DIAPH3: variants seen among roughly 807,000 people sequenced by gnomAD.
DIAPH3 encodes diaphanous related formin 3, also known as protein diaphanous homolog 3.
A neutral mutation model predicts 144.3 loss-of-function variants in DIAPH3; 117 were observed. The observed-to-expected ratio is 0.81, with a 90% CI of 0.70 to 0.95. The LOEUF (loss-of-function observed/expected upper bound fraction) is 0.95. DIAPH3 is among the 40% of genes least tolerant of loss of function. DIAPH3 has a pLI of 0.00. For synonymous variants in DIAPH3, 519 were observed against 488.9 expected, an observed-to-expected ratio of 1.06 and a Z score of -0.81; for missense variants, 1,421 against 1,412.7, an observed-to-expected ratio of 1.01 and a Z score of -0.09.
intron 18 of DIAPH3, 59 bp downstream of exon 18, chr13:59,924,716 G>T (rs1396580491): frequency 6.4e-7 from 1 of 1,563,062 alleles, no homozygotes; most frequent in East Asian, 2.3e-5. Flanking sequence ...TAAAGAAAAT[G>T]AAATCATTTA....
rs900305288 is a variant in DIAPH3 at position 59,666,116 on chromosome 13, A to G, written c.*468T>C. 2 of 157,516 alleles carry G rather than the reference A, an allele frequency of 1.3e-5. No individual in the cohort carries two copies. Among genetic ancestry groups the G allele is most frequent in the African/African-American group, 4.8e-5 (2 of 41,474 alleles). 9.8% of individuals were successfully genotyped at this position (157,516 alleles called of 1,614,324 possible). On this transcript the variant is annotated 3_prime_UTR_variant, in exon 28 of 28. Transcript: ENST00000400324. ...GTTGTGCTGGTAGTATATAGATCCC[A>G]ATTAAGGAGAAACTTGGGCCTATAT...
chr13:59,826,040 AAG>A (rs1267001383), intron 24 of DIAPH3, among the ~76,000 whole-genome samples: 1 of 152,150 alleles, frequency 6.6e-6, no homozygotes, highest in Admixed American at 6.6e-5. Context: ...TCAAAATAAT[AAG>A]AGTTATCTAG....
At chr13:60,027,742 T>G (rs2054480562) in intron 5 of DIAPH3, among the ~76,000 whole-genome samples, 1 of 152,206 alleles carries the variant, frequency 6.6e-6, no homozygotes, top group Non-Finnish European at 1.5e-5. Context: ...ATTAGTACAC[T>G]AATATTTAAC....
At chr13:59,830,014 A>G (rs1254828260) in intron 24 of DIAPH3, among the ~76,000 whole-genome samples, 1 of 151,988 alleles carries the variant, frequency 6.6e-6, no homozygotes, top group African/African-American at 2.4e-5. Flanking sequence ...CTTTTTAAGA[A>G]GAAAATTTTT....
chr13:59,873,416 T>C (rs905664407), intron 21 of DIAPH3, among the ~76,000 whole-genome samples: 3 of 152,174 alleles, frequency 2.0e-5, no homozygotes, highest in African/African-American at 7.2e-5. Context: ...TGTTAACTTG[T>C]GTGAGTGTGA....
intron 4 of DIAPH3, among the ~76,000 whole-genome samples, chr13:60,080,674 C>T (rs963643378): frequency 2.6e-5 from 4 of 151,766 alleles, no homozygotes; most frequent in African/African-American, 4.8e-5. Flanking sequence ...AATAACATTA[C>T]ATTTTCTGTC....
chr13:59,888,644 A>G (rs913558371), intron 20 of DIAPH3, among the ~76,000 whole-genome samples: 2 of 152,150 alleles, frequency 1.3e-5, no homozygotes, highest in Non-Finnish European at 2.9e-5. Flanking sequence ...TCAAAAAATC[A>G]TAAGAAAAAA....
chr13:59,993,063 G>C (rs2051943353), intron 9 of DIAPH3, among the ~76,000 whole-genome samples: 1 of 151,756 alleles, frequency 6.6e-6, no homozygotes, highest in South Asian at 2.1e-4. Flanking sequence ...TAGTTAACAA[G>C]GTTATAAATA....
chr13:59,812,524 C>T (rs1252975219), intron 24 of DIAPH3, among the ~76,000 whole-genome samples: 1 of 152,006 alleles, frequency 6.6e-6, no homozygotes, highest in African/African-American at 2.4e-5. Context: ...ATAACAACAA[C>T]AAAATAAGAG....
intron 27 of DIAPH3, among the ~76,000 whole-genome samples, chr13:59,746,418 T>G (rs1429403282): frequency 6.6e-6 from 1 of 151,924 alleles, no homozygotes; most frequent in Non-Finnish European, 1.5e-5. Context: ...AGATTGGGTT[T>G]CACCATGTTG....
chr13:59,825,144 G>A (rs984613227), intron 24 of DIAPH3, among the ~76,000 whole-genome samples: 10 of 151,930 alleles, frequency 6.6e-5, no homozygotes, highest in East Asian at 3.9e-4. Context: ...CCATTAACTC[G>A]TCATTTAGCA....
chr13:59,670,940 C>T (rs917278752), intron 27 of DIAPH3, among the ~76,000 whole-genome samples: 36 of 152,274 alleles, frequency 2.4e-4, no homozygotes, highest in African/African-American at 8.4e-4. Context: ...AAGCTATCTA[C>T]CCGCCTCAGC....
At chr13:59,923,768 C>T (rs889775399) in intron 18 of DIAPH3, among the ~76,000 whole-genome samples, 6 of 152,134 alleles carry the variant, frequency 3.9e-5, no homozygotes, top group African/African-American at 4.8e-5. Flanking sequence ...ACACCAATGC[C>T]GCCATACTAT....
At chr13:60,034,233 T>C (rs1310714420) in intron 5 of DIAPH3, among the ~76,000 whole-genome samples, 8 of 152,228 alleles carry the variant, frequency 5.3e-5, no homozygotes, top group Admixed American at 2.0e-4. Flanking sequence ...CTGATAGCTG[T>C]AAAGCCATAA....
chr13:59,914,019 T>C (rs1331251615), intron 19 of DIAPH3, among the ~76,000 whole-genome samples: 1 of 150,984 alleles, frequency 6.6e-6, no homozygotes, highest in Non-Finnish European at 1.5e-5. Flanking sequence ...CCTGGACATG[T>C]TGCATAAAAT....
intron 2 of DIAPH3, among the ~76,000 whole-genome samples, chr13:60,116,500 C>G (rs979413313): frequency 1.3e-5 from 2 of 151,900 alleles, no homozygotes; most frequent in African/African-American, 4.8e-5. Context: ...ACCTATCTCC[C>G]AAGTCACTAC....
In DIAPH3 at chr13:59,962,512, A is replaced by G. The variant is rs556095603; in HGVS notation, c.2074+7432T>C. Among the ~76,000 whole-genome samples, 4 of 152,252 alleles carry G rather than the reference A, an allele frequency of 2.6e-5. No homozygotes were observed. The South Asian group carries it at 6.2e-4, about 24-fold the overall frequency. On this transcript the variant is annotated intron_variant, in intron 17 of 27. Transcript: ENST00000400324. The stretch of plus-strand genomic sequence containing the variant: ...AGAATCCTCCTTAGCTTTTGAGTCC[A>G]GGCCACACTCCTCCTGGGCAGCCCC...
In DIAPH3 at chr13:60,083,575, G is replaced by A. The variant is rs115055749; in HGVS notation, c.495+10053C>T. 4.8e-3 allele frequency among the ~76,000 whole-genome samples: 735 copies of A among 151,988 alleles called. 7 individuals are homozygous for A. Among genetic ancestry groups the A allele is most frequent in the African/African-American group, 0.017 (690 of 41,480 alleles). On this transcript the variant is annotated intron_variant, in intron 4 of 27. Coordinates refer to ENST00000400324, the MANE Select transcript of DIAPH3 (RefSeq NM_001042517.2). ...AACTTTACCACAAATACACACATCA[G>A]CAAAATTCAGAATGTCCTGGATAAA...
rs185514769 is a variant in DIAPH3 at position 60,082,056 on chromosome 13, A to G, written c.495+11572T>C. 1.4e-3 allele frequency among the ~76,000 whole-genome samples: 208 copies of G among 152,146 alleles called. 1 individual carries two copies. The highest frequency in any genetic ancestry group is 3.3e-3 in the Admixed American group (50 of 15,254). The stretch of plus-strand genomic sequence containing the variant: ...AATTGTAACTTACAATTTCAAAGTG[A>G]GCTAACAGACATTAAGAGAATATAT... On this transcript the variant is annotated intron_variant, in intron 4 of 27. Coordinates refer to ENST00000400324, the MANE Select transcript of DIAPH3 (RefSeq NM_001042517.2).
Sources: allele counts gnomAD v4.1 joint callset (sites outside exome capture counted in the v4.1 genomes callset), GRCh38; gene constraint gnomAD v4.1.1; transcripts MANE v1.5; gene names NCBI Gene and HGNC (gene_info 2026-07-23, HGNC 2026-07-21).